SLAIN2: variants seen among roughly 807,000 people sequenced by gnomAD.
SLAIN2 encodes the protein SLAIN family member 2.
In SLAIN2, 31 loss-of-function variants were observed where a neutral mutation model predicts 56.6. The observed-to-expected ratio is 0.55, with a 90% CI of 0.41 to 0.74. The LOEUF (loss-of-function observed/expected upper bound fraction) is 0.74. SLAIN2 is among the 30% of genes least tolerant of loss of function. The probability of loss-of-function intolerance (pLI) is 0.00; values close to 1 mark genes in which losing one functional copy is unlikely to be tolerated. For synonymous variants in SLAIN2, 317 were observed against 284.9 expected (o/e 1.11, Z -1.13); for missense variants, 777 against 754.2 (o/e 1.03, Z -0.35).
At position 48,341,568 on chromosome 4, in the gene SLAIN2, CCA is replaced by C; in HGVS notation, c.-171_-170del. ...CGCAGATGAGGCAGTTCGGCTGGGGCCAGCGGCGCTTTGGAACCCGAGGTGGG... is the reference window on the plus strand; with the variant it reads ...CGCAGATGAGGCAGTTCGGCTGGGGCGCGGCGCTTTGGAACCCGAGGTGGG... On this transcript the variant is annotated 5_prime_UTR_variant, in exon 1 of 8. It removes the in-frame stop codon of an upstream open reading frame in the 5' UTR. Transcript: ENST00000264313. 3.8e-6 allele frequency: 4 copies of C among 1,040,128 alleles called. No homozygotes were observed. The highest frequency in any genetic ancestry group is 5.2e-6 in the Non-Finnish European group (4 of 769,398). The allele number at this position is 1,040,128 out of a possible 1,614,324, so 64.4% of individuals were successfully genotyped here. A position where few individuals can be genotyped will look rare whatever the true frequency, so the allele number is the denominator to read the frequency against.
chr4:48,379,832 C>T lies in SLAIN2; in HGVS notation c.846C>T (p.Ala282=). 1 of 1,550,176 alleles carries T rather than the reference C, an allele frequency of 6.5e-7. No individual in the cohort carries two copies. The highest frequency in any genetic ancestry group is 8.7e-7 in the Non-Finnish European group (1 of 1,155,416). The change falls in exon 4 of 8, where the codon GCC becomes GCT. Residue 282 remains alanine, a synonymous_variant. Transcript: ENST00000264313. ...LNDVTDVQIL[A]RMQEESLRQE... ...ATGTAACTGATGTACAGATTCTAGC[C>T]CGGATGCAGGAAGAAAGTAAGTATT...
At chr4:48,343,813 A>G (rs1280342888) in intron 1 of SLAIN2, among the ~76,000 whole-genome samples, 1 of 152,230 alleles carries the variant, frequency 6.6e-6, no homozygotes, top group Non-Finnish European at 1.5e-5. Context: ...GATATCAAAT[A>G]TTAGAGCTGA....
At chr4:48,392,798 A>G (rs6843652) in intron 6 of SLAIN2, among the ~76,000 whole-genome samples, 45,051 of 150,214 alleles carry the variant, frequency 0.3, 6,940 homozygotes, top group South Asian at 0.48. Context: ...AGCTATCACT[A>G]TCTGGCAGGC....
rs1714702680 is a variant in SLAIN2 at position 48,341,683 on chromosome 4, T to C, written c.-57T>C. On this transcript the variant is annotated 5_prime_UTR_variant, in exon 1 of 8. Transcript: ENST00000264313. ...GCGACGCCTCTTTCCTCCGTCTCTTTCCCTGTCGCTGCGAGAGCGAGCGGG... is the reference window on the plus strand; with the variant it reads ...GCGACGCCTCTTTCCTCCGTCTCTTCCCCTGTCGCTGCGAGAGCGAGCGGG... 1 of 1,509,282 alleles carries C rather than the reference T, an allele frequency of 6.6e-7. No homozygotes were observed. Among genetic ancestry groups the C allele is most frequent in the East Asian group, 2.7e-5 (1 of 36,898 alleles). The allele number at this position is 1,509,282 out of a possible 1,614,324, so 93.5% of individuals were successfully genotyped here.
chr4:48,419,015 C>T (rs1717074608), intron 6 of SLAIN2, among the ~76,000 whole-genome samples: 2 of 152,036 alleles, frequency 1.3e-5, no homozygotes, highest in African/African-American at 4.8e-5. Context: ...TTTATCCATT[C>T]ATGTGTTGAT....
intron 1 of SLAIN2, among the ~76,000 whole-genome samples, chr4:48,364,119 C>T (rs1207103059): frequency 5.3e-5 from 3 of 56,932 alleles, no homozygotes; most frequent in East Asian, 1.1e-3. Context: ...ACTTCTCAGA[C>T]GGGGTGGTTG....
intron 1 of SLAIN2, among the ~76,000 whole-genome samples, chr4:48,345,358 T>C (rs1011268779): frequency 2.0e-5 from 3 of 152,254 alleles, no homozygotes; most frequent in African/African-American, 7.2e-5. Flanking sequence ...AATGTAATTC[T>C]CTGATCCTTC....
At chr4:48,402,174 C>T (rs1448904087) in intron 6 of SLAIN2, among the ~76,000 whole-genome samples, 1 of 151,286 alleles carries the variant, frequency 6.6e-6, no homozygotes, top group South Asian at 2.1e-4. Context: ...TGTAGGTGAC[C>T]TGGCCTTTGT....
chr4:48,416,462 T>C (rs1716997240), intron 6 of SLAIN2, among the ~76,000 whole-genome samples: 1 of 137,264 alleles, frequency 7.3e-6, no homozygotes, highest in South Asian at 2.6e-4. Flanking sequence ...GATTTTGGGC[T>C]GAGACGATGG....
At chr4:48,409,885 A>AAAT (rs769339482) in intron 6 of SLAIN2, among the ~76,000 whole-genome samples, 17 of 151,720 alleles carry the variant, frequency 1.1e-4, no homozygotes, top group East Asian at 3.9e-4. Flanking sequence ...CTCCATCTCA[A>AAAT]AATAATAATA....
At chr4:48,363,395 AC>A (rs575173695) in intron 1 of SLAIN2, among the ~76,000 whole-genome samples, 65 of 39,650 alleles carry the variant, frequency 1.6e-3, no homozygotes, top group South Asian at 6.7e-3. Flanking sequence ...GGGGGGGCTG[AC>A]CCCCCCCCAC....
At position 48,408,357 on chromosome 4, in the gene SLAIN2, A is replaced by C. The variant is rs144555277; in HGVS notation, c.1361-11768A>C. Among the ~76,000 whole-genome samples, 182 of 152,072 alleles carry C rather than the reference A, an allele frequency of 1.2e-3. 1 individual carries two copies. Among genetic ancestry groups the C allele is most frequent in the African/African-American group, 4.0e-3 (167 of 41,480 alleles). On this transcript the variant is annotated intron_variant, in intron 6 of 7. Transcript: ENST00000264313. ...AAAATCTAAAACGAACAAAAAAAAA[A>C]ACACGACATTTCAGTCAACAGTGGA...
At chr4:48,346,733 C>G (rs183803252) in intron 1 of SLAIN2, among the ~76,000 whole-genome samples, 17 of 152,092 alleles carry the variant, frequency 1.1e-4, no homozygotes, top group Admixed American at 6.5e-4. Flanking sequence ...GTTTTCTAGA[C>G]TCTTCTGTAC....
rs77629233 is a variant in SLAIN2, at chr4:48,371,668, T to C, written c.538+1671T>C. 9.2e-3 allele frequency among the ~76,000 whole-genome samples: 1,395 copies of C among 152,100 alleles called. 6 individuals are homozygous for C. Among genetic ancestry groups the C allele is most frequent in the East Asian group, 0.029 (151 of 5,170 alleles). On this transcript the variant is annotated intron_variant, in intron 2 of 7. Transcript: ENST00000264313. ...TGATTGAAAGAAAAAAGAATATTCC[T>C]AGAGGGCTAGGTAGAGTGGCTCACA...
intron 5 of SLAIN2, among the ~76,000 whole-genome samples, chr4:48,383,364 TG>T (rs569586920): frequency 1.5e-3 from 235 of 152,218 alleles, no homozygotes; most frequent in Middle Eastern, 6.8e-3. Flanking sequence ...TCATTTTACT[TG>T]GTTATGTTGT....
chr4:48,412,365 TAC>T (rs748099130), intron 6 of SLAIN2, among the ~76,000 whole-genome samples: 10,018 of 112,592 alleles, frequency 0.089, 487 homozygotes, highest in African/African-American at 0.14. Flanking sequence ...TTTGTATATG[TAC>T]ACACACACAC....
At chr4:48,391,474 G>T (rs1716234712) in intron 6 of SLAIN2, among the ~76,000 whole-genome samples, 1 of 152,194 alleles carries the variant, frequency 6.6e-6, no homozygotes, top group Non-Finnish European at 1.5e-5. Context: ...TCAGGGAGGA[G>T]TGCTTTTATA....
chr4:48,421,364 A>T (rs992210739), intron 7 of SLAIN2, among the ~76,000 whole-genome samples: 1 of 152,136 alleles, frequency 6.6e-6, no homozygotes, highest in Admixed American at 6.6e-5. Context: ...GGAATGATGC[A>T]TCTGTAACCT....
intron 6 of SLAIN2, chr4:48,394,646 A>G (rs1337379792): frequency 5.9e-6 from 9 of 1,535,698 alleles, no homozygotes; most frequent in African/African-American, 4.1e-5. Context: ...CTTCATCTAC[A>G]AAAAGAGGTA....
Sources: gnomAD v4.1 joint callset for allele counts (sites outside exome capture counted in the v4.1 genomes callset) on GRCh38, gnomAD v4.1.1 for gene constraint, MANE v1.5 for transcripts, NCBI Gene and HGNC (gene_info 2026-07-23, HGNC 2026-07-21) for gene names.